The following NELL2 variants were observed in gnomAD, a reference collection of about 807,000 sequenced individuals.
NELL2 encodes the protein neural EGFL like 2, also known as protein kinase C-binding protein NELL2.
In NELL2, 41 loss-of-function variants were observed where a neutral mutation model predicts 109.6. That is an observed-to-expected ratio of 0.37 (90% CI 0.29 to 0.49). The LOEUF is 0.49. Among genes scored for constraint, NELL2 ranks in the 20% least tolerant of loss-of-function variants. NELL2 has a pLI of 0.98. For synonymous variants in NELL2, 355 were observed against 344.7 expected, an observed-to-expected ratio of 1.03 and a Z score of -0.33; for missense variants, 900 against 1,008.3, an observed-to-expected ratio of 0.89 and a Z score of 1.45.
chr12:44,908,066 T>C (rs745588499), intron 1 of NELL2, among the ~76,000 whole-genome samples: 3 of 151,912 alleles, frequency 2.0e-5, no homozygotes, highest in Non-Finnish European at 4.4e-5. Flanking sequence ...ATAGACATGT[T>C]TGAGGTTTCA....
chr12:44,646,429 T>C (rs1044052083), intron 13 of NELL2, among the ~76,000 whole-genome samples: 21 of 152,180 alleles, frequency 1.4e-4, no homozygotes, highest in Admixed American at 3.9e-4. Flanking sequence ...AAACCACAAA[T>C]AGTACCAAAC....
chr12:44,522,494 A>C (rs1333486672), intron 17 of NELL2, among the ~76,000 whole-genome samples: 1 of 152,148 alleles, frequency 6.6e-6, no homozygotes, highest in Non-Finnish European at 1.5e-5. Flanking sequence ...ATATTTGTAT[A>C]TTAGTATGGT....
intron 10 of NELL2, among the ~76,000 whole-genome samples, chr12:44,712,362 C>A (rs1353402785): frequency 6.6e-6 from 1 of 151,956 alleles, no homozygotes; most frequent in Non-Finnish European, 1.5e-5. Context: ...AGAAGCTTGG[C>A]AGGAGGCATG....
Position 44,875,915 on chromosome 12 carries a change from A to C in NELL2, c.-46T>G. ...ATCGTCTCCCTCTTTAAAAATAAAAATAAAAATCGAAGAGGTTCTTGGAAT... is the reference window on the plus strand; with the variant it reads ...ATCGTCTCCCTCTTTAAAAATAAAACTAAAAATCGAAGAGGTTCTTGGAAT... On this transcript the variant is annotated 5_prime_UTR_variant, in exon 1 of 20. Coordinates refer to ENST00000429094, the MANE Select transcript of NELL2 (RefSeq NM_001145108.2). 4.3e-6 allele frequency: 7 copies of C among 1,612,630 alleles called. No individual in the cohort carries two copies. Among genetic ancestry groups the C allele is most frequent in the Non-Finnish European group, 5.9e-6 (7 of 1,179,998 alleles).
At chr12:44,550,765 C>T (rs899455296) in intron 15 of NELL2, among the ~76,000 whole-genome samples, 4 of 151,918 alleles carry the variant, frequency 2.6e-5, no homozygotes, top group Non-Finnish European at 5.9e-5. Context: ...AAGTCAGACA[C>T]AGAAAGATAA....
intron 15 of NELL2, among the ~76,000 whole-genome samples, chr12:44,568,630 A>C (rs1943749418): frequency 6.6e-6 from 1 of 152,112 alleles, no homozygotes; most frequent in African/African-American, 2.4e-5. Flanking sequence ...GAAATTAATG[A>C]AATTGTTTCT....
intron 15 of NELL2, among the ~76,000 whole-genome samples, chr12:44,594,352 A>G (rs1336275632): frequency 1.3e-5 from 2 of 152,032 alleles, no homozygotes; most frequent in African/African-American, 4.8e-5. Context: ...GTAGAATAAA[A>G]AAGTGAGTGA....
chr12:44,558,955 T>C (rs12309120), intron 15 of NELL2, among the ~76,000 whole-genome samples: 5,992 of 152,268 alleles, frequency 0.039, 415 homozygotes, highest in African/African-American at 0.14. Context: ...CACAGCAGTC[T>C]GAAGTCTACC....
intron 15 of NELL2, among the ~76,000 whole-genome samples, chr12:44,593,547 T>C (rs1944838185): frequency 6.6e-6 from 1 of 152,148 alleles, no homozygotes; most frequent in Non-Finnish European, 1.5e-5. Flanking sequence ...AAAAAGTGGG[T>C]GAAATAAACA....
chr12:44,625,888 G>C (rs1946242450), intron 13 of NELL2, among the ~76,000 whole-genome samples: 1 of 151,824 alleles, frequency 6.6e-6, no homozygotes, highest in African/African-American at 2.4e-5. Context: ...CACACAAGCA[G>C]TTAGTATTTT....
chr12:44,731,888 T>C (rs1193413274), intron 9 of NELL2, among the ~76,000 whole-genome samples: 1 of 152,006 alleles, frequency 6.6e-6, no homozygotes, highest in African/African-American at 2.4e-5. Flanking sequence ...TTGTAGGACA[T>C]GAAATCAACA....
chr12:44,508,610 A>T lies in NELL2; in HGVS notation c.*324T>A, dbSNP rs77448777. On this transcript the variant is annotated 3_prime_UTR_variant, in exon 20 of 20. Transcript: ENST00000429094. The stretch of plus-strand genomic sequence containing the variant: ...GATCTAGAGGAAAATTTTCTGCACC[A>T]GTGAAGCTAGAGGCTTTCACAGATC... 5.1e-3 allele frequency: 1,066 copies of T among 208,618 alleles called. 20 individuals carry two copies. Among genetic ancestry groups the T allele is most frequent in the African/African-American group, 0.023 (1,003 of 43,470 alleles). The allele number at this position is 208,618 out of a possible 1,614,324, so 12.9% of individuals were successfully genotyped here.
At chr12:44,637,233 T>C (rs1946672244) in intron 13 of NELL2, among the ~76,000 whole-genome samples, 1 of 151,832 alleles carries the variant, frequency 6.6e-6, no homozygotes, top group South Asian at 2.1e-4. Context: ...GGGTTTTTTG[T>C]GTCTGTATCT....
chr12:44,644,610 A>G lies in NELL2; in HGVS notation c.1444+20874T>C, dbSNP rs868503124. ...TATATATATATATATATATGTATGT[A>G]TATATATATATATATACATACATAT... On this transcript the variant is annotated intron_variant, in intron 13 of 19. Transcript: ENST00000429094. Among the ~76,000 whole-genome samples the G allele has an allele frequency of 1.9e-3, 163 of 84,432 alleles. 1 individual carries two copies. The highest frequency in any genetic ancestry group is 5.9e-3 in the Middle Eastern group (1 of 170). 55.4% of individuals were successfully genotyped at this position (84,432 alleles called of 152,430 possible).
rs545030457 is a variant in NELL2, at chr12:44,560,407, T to TAAACA, written c.1664-27691_1664-27687dup. ...TCCAGGAGCTGGTTTTTTGAAAAGA[T>TAAACA]AAACAAAATAGATAGACTGCTAGCT... is the stretch of plus-strand genomic sequence containing the variant. On this transcript the variant is annotated intron_variant, in intron 15 of 19. Coordinates refer to ENST00000429094, the MANE Select transcript of NELL2 (RefSeq NM_001145108.2). 4.9e-3 allele frequency among the ~76,000 whole-genome samples: 752 copies of TAAACA among 152,068 alleles called. 7 individuals are homozygous for TAAACA. Among genetic ancestry groups the TAAACA allele is most frequent in the African/African-American group, 0.016 (643 of 41,478 alleles).
chr12:44,774,521 T>C (rs1941672009), intron 9 of NELL2: 2 of 501,372 alleles, frequency 4.0e-6, no homozygotes, highest in South Asian at 4.7e-5. Flanking sequence ...ACTATCACTA[T>C]ATGGAATAGA....
At chr12:44,546,150 T>C (rs1942784016) in intron 15 of NELL2, among the ~76,000 whole-genome samples, 2 of 152,160 alleles carry the variant, frequency 1.3e-5, no homozygotes, top group African/African-American at 4.8e-5. Flanking sequence ...TCTGTATTTA[T>C]TTGCAAGCTA....
At chr12:44,626,011 A>G (rs529192530) in intron 13 of NELL2, among the ~76,000 whole-genome samples, 2 of 152,286 alleles carry the variant, frequency 1.3e-5, no homozygotes, top group African/African-American at 4.8e-5. Flanking sequence ...AATTTTAATC[A>G]TTAGCCTTCT....
intron 2 of NELL2, among the ~76,000 whole-genome samples, chr12:44,859,055 C>T (rs556822949): frequency 2.8e-4 from 43 of 152,258 alleles, no homozygotes; most frequent in African/African-American, 6.0e-4. Context: ...GACTAGGATA[C>T]AATTTTCCTA....
Sources: gnomAD v4.1 joint callset for allele counts (sites outside exome capture counted in the v4.1 genomes callset) on GRCh38, gnomAD v4.1.1 for gene constraint, MANE v1.5 for transcripts, NCBI Gene and HGNC (gene_info 2026-07-23, HGNC 2026-07-21) for gene names.